EFCAB11: variants seen among roughly 807,000 people sequenced by gnomAD.
EFCAB11 encodes EF-hand calcium binding domain 11.
Under a neutral mutation model 23.0 loss-of-function variants are expected in EFCAB11, and 14 were observed. The observed-to-expected ratio is 0.61, with a 90% confidence interval of 0.40 to 0.95. EFCAB11 has a LOEUF of 0.95. Ranked by LOEUF, EFCAB11 falls within the 40% of genes least tolerant of loss-of-function variation. The pLI is 0.00. For synonymous variants in EFCAB11, 65 were observed against 66.6 expected (o/e 0.98, Z 0.11); for missense variants, 198 against 195.8 (o/e 1.01, Z -0.07).
chr14:89,820,119 T>C (rs1358365868), intron 5 of EFCAB11, among the ~76,000 whole-genome samples: 1 of 152,050 alleles, frequency 6.6e-6, no homozygotes, highest in Admixed American at 6.5e-5. Flanking sequence ...TACAAAAGCC[T>C]AGGATTACAT....
chr14:89,866,689 C>A (rs991068356), intron 5 of EFCAB11, among the ~76,000 whole-genome samples: 3 of 152,268 alleles, frequency 2.0e-5, no homozygotes, highest in South Asian at 2.1e-4. Flanking sequence ...AAGCCACCCC[C>A]ACTCCAGCTC....
intron 3 of EFCAB11, among the ~76,000 whole-genome samples, chr14:89,949,848 A>T (rs1324943848): frequency 2.0e-5 from 3 of 152,212 alleles, no homozygotes; most frequent in African/African-American, 7.2e-5. Flanking sequence ...CACGTCTTAC[A>T]TGGATGGCAG....
chr14:89,839,113 A>G (rs1321112030), intron 5 of EFCAB11, among the ~76,000 whole-genome samples: 1 of 152,190 alleles, frequency 6.6e-6, no homozygotes. Context: ...GGTCTACAAC[A>G]GAGTGGGAAA....
chr14:89,924,594 T>C, intron 5 of EFCAB11: 1 of 1,533,850 alleles, frequency 6.5e-7, no homozygotes, highest in Non-Finnish European at 8.7e-7. Context: ...TACCACAGGG[T>C]GTTGATGGCA....
Position 89,945,011 on chromosome 14 carries a change from A to G in EFCAB11, c.217+5086T>C, listed in dbSNP as rs541074297. Among the ~76,000 whole-genome samples the G allele has an allele frequency of 6.3e-4, 85 of 134,074 alleles. 2 individuals are homozygous for G. Among genetic ancestry groups the G allele is most frequent in the Admixed American group, 6.7e-4 (9 of 13,360 alleles). 88.0% of individuals were successfully genotyped at this position (134,074 alleles called of 152,430 possible). ...TAAAATATTAGATTTTATTAGATCT[A>G]ATAATAAATCTAATAAAATATTAGA... On this transcript the variant is annotated intron_variant, in intron 3 of 5. Coordinates refer to ENST00000316738, the MANE Select transcript of EFCAB11 (RefSeq NM_145231.4).
Position 89,826,087 on chromosome 14 carries a change from A to C in EFCAB11, c.411-28763T>G, listed in dbSNP as rs141747008. 3.9e-5 allele frequency among the ~76,000 whole-genome samples: 6 copies of C among 152,256 alleles called. No homozygotes were observed. In the East Asian group the frequency reaches 1.2e-3, roughly 29 times the overall value. ...AATAAGATCTCTCTTTCTCTCTCTC[A>C]TATACATATATATGTAAGCTCTGTT... On this transcript the variant is annotated intron_variant, in intron 5 of 5. Transcript: ENST00000316738.
intron 5 of EFCAB11, chr14:89,923,942 C>T (rs1304771234): frequency 2.0e-6 from 2 of 985,394 alleles, no homozygotes; most frequent in African/African-American, 3.5e-5. Flanking sequence ...AATCACTTTC[C>T]TTTAGGCCCT....
At chr14:89,829,455 T>C (rs989654283) in intron 5 of EFCAB11, among the ~76,000 whole-genome samples, 1 of 152,226 alleles carries the variant, frequency 6.6e-6, no homozygotes, top group Non-Finnish European at 1.5e-5. Context: ...TGATGACCAA[T>C]AGGCTGTGTT....
chr14:89,823,396 T>C (rs1379718916), intron 5 of EFCAB11, among the ~76,000 whole-genome samples: 2 of 152,156 alleles, frequency 1.3e-5, no homozygotes, highest in Non-Finnish European at 2.9e-5. Context: ...AACCAACACC[T>C]TGATTTTGAC....
In EFCAB11 at chr14:89,795,131, C is replaced by G. The variant is rs1427607359; in HGVS notation, c.*2112G>C. On this transcript the variant is annotated 3_prime_UTR_variant, in exon 6 of 6. Coordinates refer to ENST00000316738, the MANE Select transcript of EFCAB11 (RefSeq NM_145231.4). ...CAGCTGGGACTACAGGCACCTGCCACCACGCCCAGCTAATCTTTTTTTGTT... is the reference window on the plus strand; with the variant it reads ...CAGCTGGGACTACAGGCACCTGCCAGCACGCCCAGCTAATCTTTTTTTGTT... 2 of 151,602 alleles carry G rather than the reference C, an allele frequency of 1.3e-5. No homozygotes were observed. Among genetic ancestry groups the G allele is most frequent in the African/African-American group, 4.8e-5 (2 of 41,304 alleles). The allele number at this position is 151,602 out of a possible 1,614,324, so 9.4% of individuals were successfully genotyped here. A position where few individuals can be genotyped will look rare whatever the true frequency, so the allele number is the denominator to read the frequency against.
intron 5 of EFCAB11, among the ~76,000 whole-genome samples, chr14:89,804,437 G>C (rs1308043180): frequency 6.6e-6 from 1 of 152,188 alleles, no homozygotes; most frequent in African/African-American, 2.4e-5. Flanking sequence ...ACAACTCTGA[G>C]GTCATTCTCT....
At position 89,924,593 on chromosome 14, in the gene EFCAB11, G is replaced by T. The variant is rs150710683; in HGVS notation, c.410+6948C>A. The T allele has an allele frequency of 2.8e-3, 4,324 of 1,534,256 alleles. 13 individuals are homozygous for T. The highest frequency in any genetic ancestry group is 3.4e-3 in the Non-Finnish European group (3,870 of 1,146,150). On this transcript the variant is annotated intron_variant, in intron 5 of 5. Transcript: ENST00000316738. ...AAATGCCAGCCAGAAATACCACAGG[G>T]TGTTGATGGCAGGCAAAGTCAAGAA...
rs71107570 is a variant in EFCAB11, at chr14:89,917,053, C to CGTGTGTGT, written c.410+14480_410+14487dup. On this transcript the variant is annotated intron_variant, in intron 5 of 5. Transcript: ENST00000316738. Reference sequence around the variant, plus strand: ...AGCATATCCATCACCTGACATGCTTCGTGTGTGTGTGTGTGTGTGTGTGTG... The same window carrying CGTGTGTGT: ...AGCATATCCATCACCTGACATGCTTCGTGTGTGTGTGTGTGTGTGTGTGTGTGTGTGTG... Among the ~76,000 whole-genome samples, 1,065 of 136,692 alleles carry CGTGTGTGT rather than the reference C, an allele frequency of 7.8e-3. 17 individuals carry two copies. Among genetic ancestry groups the CGTGTGTGT allele is most frequent in the African/African-American group, 0.027 (909 of 33,944 alleles). The allele number at this position is 136,692 out of a possible 152,430, so 89.7% of individuals were successfully genotyped here. A position where few individuals can be genotyped will look rare whatever the true frequency, so the allele number is the denominator to read the frequency against.
Position 89,804,866 on chromosome 14 carries a change from T to TA in EFCAB11, c.411-7543dup, listed in dbSNP as rs753471779. Among the ~76,000 whole-genome samples the TA allele has an allele frequency of 2.4e-4, 37 of 152,348 alleles. No homozygotes were observed. The Middle Eastern group carries it at 0.01, about 42-fold the overall frequency. On this transcript the variant is annotated intron_variant, in intron 5 of 5. Coordinates refer to ENST00000316738, the MANE Select transcript of EFCAB11 (RefSeq NM_145231.4). ...AAAAACACTGCAGCAGTCTTCTTTT[T>TA]ACTGTCTAATATACATGTCTTATTA...
intron 3 of EFCAB11, among the ~76,000 whole-genome samples, chr14:89,936,821 T>C (rs1890601658): frequency 6.6e-6 from 1 of 152,158 alleles, no homozygotes; most frequent in Non-Finnish European, 1.5e-5. Context: ...TCTAGCTCTT[T>C]AAATAACCTA....
At chr14:89,936,922 A>G (rs908565126) in intron 3 of EFCAB11, among the ~76,000 whole-genome samples, 4 of 152,220 alleles carry the variant, frequency 2.6e-5, no homozygotes, top group African/African-American at 9.6e-5. Context: ...AATTCTACTG[A>G]CATCAGATTT....
rs1231854341 is a variant in EFCAB11, at chr14:89,954,711, C to G, written c.-51G>C. The G allele has an allele frequency of 6.3e-7, 1 of 1,585,154 alleles. No homozygotes were observed. The highest frequency in any genetic ancestry group is 1.7e-5 in the Admixed American group (1 of 57,236). On this transcript the variant is annotated 5_prime_UTR_variant, in exon 1 of 6. Transcript: ENST00000316738. The stretch of plus-strand genomic sequence containing the variant: ...CAACCCAACCAGCTACCACCGCTTT[C>G]CCAGCCTGGCTGGCAGCCTACCGCG...
At chr14:89,865,742 G>A (rs1888068074) in intron 5 of EFCAB11, among the ~76,000 whole-genome samples, 1 of 152,098 alleles carries the variant, frequency 6.6e-6, no homozygotes. Flanking sequence ...TCAGCACACT[G>A]TGGCCTCCAC....
chr14:89,922,963 T>C (rs1206239316), intron 5 of EFCAB11, among the ~76,000 whole-genome samples: 1 of 152,214 alleles, frequency 6.6e-6, no homozygotes, highest in Non-Finnish European at 1.5e-5. Flanking sequence ...CGAATTTGTA[T>C]CCGGATGGGT....
Sources: gnomAD v4.1 joint callset for allele counts (sites outside exome capture counted in the v4.1 genomes callset) on GRCh38, gnomAD v4.1.1 for gene constraint, MANE v1.5 for transcripts, NCBI Gene and HGNC (gene_info 2026-07-23, HGNC 2026-07-21) for gene names.